PC: variants seen among roughly 807,000 people sequenced by gnomAD.
PC encodes the protein pyruvate carboxylase, mitochondrial.
A neutral mutation model predicts 107.8 loss-of-function variants in PC; 46 were observed. The ratio of observed to expected loss-of-function variants is 0.43; its 90% CI spans 0.34 to 0.55. The LOEUF is 0.55. PC is among the 20% of genes least tolerant of loss of function. The pLI is 0.04. For missense variants in PC, 1,241 were observed against 1,643.1 expected, an observed-to-expected ratio of 0.76 and a Z score of 4.23; for synonymous variants, 662 against 684.7, an observed-to-expected ratio of 0.97 and a Z score of 0.52.
chr11:66,955,495 G>A (rs1022962282), intron 1 of PC, among the ~76,000 whole-genome samples: 7 of 152,156 alleles, frequency 4.6e-5, no homozygotes, highest in African/African-American at 1.4e-4. Context: ...AGGCTGCAGC[G>A]GGCTTCAGTA....
intron 3 of PC, among the ~76,000 whole-genome samples, chr11:66,922,533 G>A (rs568583768): frequency 3.3e-5 from 4 of 121,702 alleles, no homozygotes; most frequent in East Asian, 2.4e-4. Context: ...AGCCGAGATC[G>A]AAAGAGCAAG....
At chr11:66,943,464 T>G (rs1949198595) in intron 3 of PC, among the ~76,000 whole-genome samples, 1 of 151,442 alleles carries the variant, frequency 6.6e-6, no homozygotes, top group African/African-American at 2.4e-5. Context: ...CTCGGCCGGG[T>G]GCGGTGGCTC....
intron 3 of PC, among the ~76,000 whole-genome samples, chr11:66,889,099 A>G (rs1009034521): frequency 1.9e-4 from 29 of 152,264 alleles, no homozygotes; most frequent in African/African-American, 6.7e-4. Flanking sequence ...ACAAAAATGT[A>G]AATTCTGAAA....
chr11:66,884,428 A>G (rs907652760), intron 3 of PC, among the ~76,000 whole-genome samples: 2 of 152,010 alleles, frequency 1.3e-5, no homozygotes, highest in African/African-American at 4.8e-5. Context: ...TAATTAATCA[A>G]TTAGTTAAAA....
In PC at chr11:66,860,492, T is replaced by G. The variant is rs1431722520; in HGVS notation, c.1368+3282A>C. The G allele has an allele frequency of 7.1e-6, 5 of 702,752 alleles. No individual in the cohort carries two copies. In the East Asian group the frequency reaches 8.1e-5, roughly 11 times the overall value. The allele number at this position is 702,752 out of a possible 1,614,324, so 43.5% of individuals were successfully genotyped here. ...GACACCTCAGTGCTAGTCTCTGGTG[T>G]TGTCTGGCTAGGTCCCCCGAGACGG... is the stretch of plus-strand genomic sequence containing the variant. On this transcript the variant is annotated intron_variant, in intron 12 of 22. Transcript: ENST00000393960.
intron 3 of PC, among the ~76,000 whole-genome samples, chr11:66,918,915 C>G (rs1948528901): frequency 6.6e-6 from 1 of 152,084 alleles, no homozygotes; most frequent in Non-Finnish European, 1.5e-5. Flanking sequence ...AAGATTTCAT[C>G]TATCCAGAAG....
chr11:66,906,895 T>C (rs893073329), intron 3 of PC, among the ~76,000 whole-genome samples: 4 of 152,214 alleles, frequency 2.6e-5, no homozygotes, highest in Non-Finnish European at 5.9e-5. Flanking sequence ...GGTAGTAACA[T>C]GTTTTTCCTG....
chr11:66,914,777 G>A (rs1248059269), intron 3 of PC, among the ~76,000 whole-genome samples: 2 of 152,130 alleles, frequency 1.3e-5, no homozygotes, highest in Admixed American at 6.5e-5. Flanking sequence ...GCTCATACCT[G>A]TAATCCTAGC....
At chr11:66,881,746 C>T (rs1947195354) in intron 3 of PC, among the ~76,000 whole-genome samples, 1 of 152,260 alleles carries the variant, frequency 6.6e-6, no homozygotes, top group South Asian at 2.1e-4. Flanking sequence ...AGCCCCTCAT[C>T]ACCTCCCTGT....
chr11:66,879,719 C>G (rs1384619836), intron 3 of PC, among the ~76,000 whole-genome samples: 1 of 152,206 alleles, frequency 6.6e-6, no homozygotes, highest in African/African-American at 2.4e-5. Flanking sequence ...AGCTGATCCA[C>G]AGCCCACAGC....
chr11:66,858,341 C>T lies in PC; in HGVS notation c.1369-4958G>A, dbSNP rs1261068595. Reference sequence around the variant, plus strand: ...AGCTCGGTCAGCTCTCCCGCCTGGACCTCACCTCCAACCGCCTGGCCACGC... The same window carrying T: ...AGCTCGGTCAGCTCTCCCGCCTGGATCTCACCTCCAACCGCCTGGCCACGC... On this transcript the variant is annotated intron_variant, in intron 12 of 22. Coordinates refer to ENST00000393960, the MANE Select transcript of PC (RefSeq NM_001040716.2). This position sits in a 1 kb window ranked among gnomAD's most constrained non-coding sequence, Gnocchi z 5.9. 38 of 1,604,662 alleles carry T rather than the reference C, an allele frequency of 2.4e-5. No individual in the cohort carries two copies. Among genetic ancestry groups the T allele is most frequent in the African/African-American group, 4.0e-5 (3 of 74,830 alleles).
At chr11:66,917,044 C>G (rs553643743) in intron 3 of PC, among the ~76,000 whole-genome samples, 2 of 151,916 alleles carry the variant, frequency 1.3e-5, no homozygotes, top group South Asian at 2.1e-4. Context: ...ATCTACAAAC[C>G]AAGAGCCCTC....
intron 3 of PC, among the ~76,000 whole-genome samples, chr11:66,943,507 G>T (rs1465057168): frequency 6.6e-6 from 1 of 151,802 alleles, no homozygotes; most frequent in African/African-American, 2.4e-5. Flanking sequence ...GGGAGGCCGA[G>T]GCCCGGATCA....
rs1272209483 is a variant in PC, at chr11:66,866,132, G to A, written c.1185+55C>T. 1.3e-6 allele frequency: 2 copies of A among 1,577,164 alleles called. No individual in the cohort carries two copies. The highest frequency in any genetic ancestry group is 1.7e-6 in the Non-Finnish European group (2 of 1,162,892). ...CTTGGCACTGCAGCCCCAGGCACCA[G>A]GCAGAACCTGTGCACAGGTGAGCTG... On this transcript the variant is annotated intron_variant, in intron 11 of 22. Transcript: ENST00000393960. This position sits in a 1 kb window ranked among gnomAD's most constrained non-coding sequence, Gnocchi z 5.4.
chr11:66,927,134 G>C (rs1473379609), intron 3 of PC, among the ~76,000 whole-genome samples: 1 of 143,680 alleles, frequency 7.0e-6, no homozygotes, highest in Non-Finnish European at 1.5e-5. Context: ...TGGGATTACA[G>C]GCATGCACCA....
chr11:66,912,058 C>T (rs1330492137), intron 3 of PC, among the ~76,000 whole-genome samples: 1 of 138,118 alleles, frequency 7.2e-6, no homozygotes, highest in African/African-American at 2.7e-5. Flanking sequence ...GAAAAGCAAA[C>T]CTTATACACT....
chr11:66,903,679 C>T (rs868514925), intron 3 of PC, among the ~76,000 whole-genome samples: 15 of 128,724 alleles, frequency 1.2e-4, no homozygotes, highest in East Asian at 5.4e-4. Flanking sequence ...ACCTGGGAGG[C>T]GGAGGTTGCA....
intron 3 of PC, among the ~76,000 whole-genome samples, chr11:66,882,252 GC>G (rs1947211405): frequency 6.6e-6 from 1 of 152,332 alleles, no homozygotes; most frequent in African/African-American, 2.4e-5. Context: ...CAACAACGTG[GC>G]CCCAGTGCTC....
chr11:66,871,490 G>A lies in PC; in HGVS notation c.322-10C>T, dbSNP rs371834866. 1.6e-4 allele frequency: 264 copies of A among 1,613,134 alleles called. No individual in the cohort carries two copies. The East Asian group carries it at 2.1e-3, about 13-fold the overall frequency. On this transcript the variant is annotated splice_polypyrimidine_tract_variant and intron_variant, in intron 5 of 22. Coordinates refer to ENST00000393960, the MANE Select transcript of PC (RefSeq NM_001040716.2). This position sits in a 1 kb window ranked among gnomAD's most constrained non-coding sequence, Gnocchi z 7.4. ...CATCTACGTTGTTCTCCTGCAGGTG[G>A]GGGTCAGGGAGAGGACGGTACCTTG...
Sources: allele counts gnomAD v4.1 joint callset (sites outside exome capture counted in the v4.1 genomes callset), GRCh38; gene constraint gnomAD v4.1.1; non-coding constraint Gnocchi (gnomAD v3.1); transcripts MANE v1.5; gene names NCBI Gene and HGNC (gene_info 2026-07-23, HGNC 2026-07-21).